Variants in RASA1 observed in about 807,000 individuals in gnomAD.
The protein encoded by RASA1 is ras GTPase-activating protein 1.
RASA1 carries 25 observed loss-of-function variants against 132.2 expected under a neutral mutation model. That is an observed-to-expected ratio of 0.19 (90% CI 0.14 to 0.26). RASA1 has a LOEUF of 0.26. Among genes scored for constraint, RASA1 ranks in the 10% least tolerant of loss-of-function variants. RASA1 has a pLI of 1.00. For synonymous variants in RASA1, 477 were observed against 449.9 expected (o/e 1.06, Z -0.76); for missense variants, 964 against 1,299.2 (o/e 0.74, Z 3.97).
intron 1 of RASA1, among the ~76,000 whole-genome samples, chr5:87,278,494 C>T (rs1754165634): frequency 2.0e-5 from 3 of 151,616 alleles, no homozygotes; most frequent in Admixed American, 6.6e-5. Context: ...TGCAGTGAGC[C>T]GAGATCATGC....
chr5:87,325,161 C>T (rs1057358418), intron 1 of RASA1, among the ~76,000 whole-genome samples: 2 of 151,982 alleles, frequency 1.3e-5, no homozygotes, highest in Non-Finnish European at 2.9e-5. Context: ...AGGAGAAGTA[C>T]TGAGCAAAAG....
chr5:87,373,719 T>G (rs1761116251), intron 13 of RASA1, among the ~76,000 whole-genome samples: 1 of 152,186 alleles, frequency 6.6e-6, no homozygotes. Context: ...GTCAGTGTTT[T>G]AAAAATTTTT....
chr5:87,316,961 C>G (rs1257189013), intron 1 of RASA1, among the ~76,000 whole-genome samples: 2 of 151,882 alleles, frequency 1.3e-5, no homozygotes, highest in Non-Finnish European at 2.9e-5. Flanking sequence ...CGGCTTACTG[C>G]AACCTCTACC....
intron 22 of RASA1, among the ~76,000 whole-genome samples, chr5:87,386,476 G>A (rs1260587150): frequency 6.6e-6 from 1 of 151,964 alleles, no homozygotes; most frequent in African/African-American, 2.4e-5. Flanking sequence ...CCATGTTTGA[G>A]TGAATTTATA....
chr5:87,323,318 TA>T (rs1008408461), intron 1 of RASA1, among the ~76,000 whole-genome samples: 1 of 152,238 alleles, frequency 6.6e-6, no homozygotes, highest in South Asian at 2.1e-4. Context: ...AATAGGAGCT[TA>T]AAAAAATCTT....
At chr5:87,342,551 T>C (rs1758549606) in intron 6 of RASA1, among the ~76,000 whole-genome samples, 4 of 152,192 alleles carry the variant, frequency 2.6e-5, no homozygotes, top group Non-Finnish European at 5.9e-5. Flanking sequence ...CAGTTTTCTT[T>C]AGACACAATA....
chr5:87,363,542 C>G, intron 11 of RASA1, 38 bp downstream of exon 11: 1 of 1,590,410 alleles, frequency 6.3e-7, no homozygotes, highest in South Asian at 1.1e-5. Context: ...TCGGAATTGT[C>G]TTAATAATAA....
chr5:87,389,621 TG>T, intron 24 of RASA1, 94 bp downstream of exon 24: 1 of 1,511,210 alleles, frequency 6.6e-7, no homozygotes, highest in Admixed American at 1.7e-5. Flanking sequence ...ATTTTTATCT[TG>T]TTACATTAAA....
intron 1 of RASA1, among the ~76,000 whole-genome samples, chr5:87,271,385 C>T (rs575717537): frequency 2.8e-4 from 41 of 144,698 alleles, no homozygotes; most frequent in Non-Finnish European, 5.2e-4. Flanking sequence ...TAGTCTTATG[C>T]TAGTTTATAA....
At chr5:87,388,378 A>G (rs1463641559) in intron 23 of RASA1, among the ~76,000 whole-genome samples, 2 of 152,214 alleles carry the variant, frequency 1.3e-5, no homozygotes, top group African/African-American at 2.4e-5. Context: ...ACTGGCATTT[A>G]GTGTCGATAA....
At chr5:87,333,129 AG>A (rs1190164784) in intron 3 of RASA1, 137 bp from the exon 4 acceptor site, 3 of 1,315,460 alleles carry the variant, frequency 2.3e-6, no homozygotes, top group Non-Finnish European at 3.1e-6. Context: ...GGGTATTTAT[AG>A]TCCAAGTAAA....
chr5:87,354,926 C>T (rs77420558), intron 9 of RASA1, among the ~76,000 whole-genome samples: 1,816 of 152,214 alleles, frequency 0.012, 28 homozygotes, highest in African/African-American at 0.041. Flanking sequence ...TAAGCCAAAG[C>T]CTATCCAAAG....
At chr5:87,349,434 C>T (rs1580326123) in intron 8 of RASA1, 70 bp downstream of exon 8, 1 of 1,529,056 alleles carries the variant, frequency 6.5e-7, no homozygotes, top group Non-Finnish European at 9.0e-7. Flanking sequence ...ATACAGTATT[C>T]AGAGTCAAAA....
In RASA1 at chr5:87,386,867, C is replaced by G; in HGVS notation, c.2889C>G (p.Asn963Lys). The change falls in exon 23 of 25, where the codon AAC (asparagine) becomes AAG (lysine). Residue 963 changes from asparagine to lysine, a missense_variant. Physicochemically the swap from Asn to Lys is moderately conservative, Grantham distance 94. Coordinates refer to ENST00000274376, the MANE Select transcript of RASA1 (RefSeq NM_002890.3). ...MEGVNPFIKS[N>K]KHRMIMFLDE... is the part of the protein sequence containing the mutation. Reference sequence around the variant, plus strand: ...GTGTCAATCCATTCATCAAAAGCAACAAACATCGTATGATCATGTTTTTAG... The same window carrying G: ...GTGTCAATCCATTCATCAAAAGCAAGAAACATCGTATGATCATGTTTTTAG... 6.2e-7 allele frequency: 1 copy of G among 1,612,716 alleles called. No individual in the cohort carries two copies. The highest frequency in any genetic ancestry group is 8.5e-7 in the Non-Finnish European group (1 of 1,179,272).
In RASA1 at chr5:87,391,534, T is replaced by G. The variant is rs1321132651; in HGVS notation, c.*651T>G. On this transcript the variant is annotated 3_prime_UTR_variant, in exon 25 of 25. Transcript: ENST00000274376. ...TATTTTTTAAACATACGACTTATTT[T>G]GTTGAAATTGTCAAAGACTGTATTT... The G allele has an allele frequency of 4.2e-6, 1 of 237,822 alleles. No individual in the cohort carries two copies. The highest frequency in any genetic ancestry group is 6.0e-5 in the East Asian group (1 of 16,542). 14.7% of individuals were successfully genotyped at this position (237,822 alleles called of 1,614,324 possible).
intron 4 of RASA1, 24 bp from the exon 5 acceptor site, chr5:87,337,950 T>C (rs1236423635): frequency 1.3e-6 from 2 of 1,584,636 alleles, no homozygotes; most frequent in South Asian, 2.3e-5. Context: ...TTAAATTTAA[T>C]AACTTTAAAA....
At chr5:87,274,113 C>T (rs976449083) in intron 1 of RASA1, among the ~76,000 whole-genome samples, 4 of 152,160 alleles carry the variant, frequency 2.6e-5, no homozygotes, top group Admixed American at 6.5e-5. Context: ...AGCTGAGTAG[C>T]GGTTGACCCT....
At position 87,375,410 on chromosome 5, in the gene RASA1, G is replaced by A. The variant is rs181783206; in HGVS notation, c.2011+494G>A. On this transcript the variant is annotated intron_variant, in intron 15 of 24. Coordinates refer to ENST00000274376, the MANE Select transcript of RASA1 (RefSeq NM_002890.3). The stretch of plus-strand genomic sequence containing the variant: ...TGAGTATCTGGGACTACAGGCGCCC[G>A]CCACCATACCTGGCTAAGTTTTGTA... Among the ~76,000 whole-genome samples the A allele has an allele frequency of 6.5e-3, 983 of 151,982 alleles. 6 individuals carry two copies. Among genetic ancestry groups the A allele is most frequent in the Admixed American group, 0.013 (197 of 15,262 alleles).
At position 87,268,931 on chromosome 5, in the gene RASA1, T is replaced by C. The variant is rs749028647; in HGVS notation, c.480T>C (p.Asp160=). ...LGTVDEGDSL[D]GPEYEEEEVA... ...CAGTGGACGAAGGTGACTCTCTGGA[T>C]GGACCAGAATACGAGGAGGAAGAGG... is the stretch of plus-strand genomic sequence containing the variant. The change falls in exon 1 of 25, where the codon GAT becomes GAC. Residue 160 remains aspartate (D), a synonymous_variant. Transcript: ENST00000274376. The C allele has an allele frequency of 1.6e-5, 26 of 1,614,050 alleles. No individual in the cohort carries two copies. The East Asian group carries it at 5.3e-4, about 33-fold the overall frequency.
Sources: gnomAD v4.1 joint callset for allele counts (sites outside exome capture counted in the v4.1 genomes callset) on GRCh38, gnomAD v4.1.1 for gene constraint, MANE v1.5 for transcripts, NCBI Gene and HGNC (gene_info 2026-07-23, HGNC 2026-07-21) for gene names.